MAGI1: variants seen among roughly 807,000 people sequenced by gnomAD.
MAGI1 encodes the protein membrane associated guanylate kinase, WW and PDZ domain containing 1, also known as membrane-associated guanylate kinase, WW and PDZ domain-containing protein 1.
MAGI1 carries 58 observed loss-of-function variants against 139.9 expected under a neutral mutation model. The ratio of observed to expected loss-of-function variants is 0.41; its 90% CI spans 0.34 to 0.52. MAGI1 has a LOEUF of 0.52. MAGI1 is among the 20% of genes least tolerant of loss of function. The probability of loss-of-function intolerance (pLI) is 0.12; values close to 1 mark genes in which losing one functional copy is unlikely to be tolerated. For synonymous variants in MAGI1, 812 were observed against 737.9 expected, an observed-to-expected ratio of 1.10 and a Z score of -1.63; for missense variants, 1,874 against 1,901.6, an observed-to-expected ratio of 0.99 and a Z score of 0.27.
At chr3:65,766,781 C>A (rs979564086) in intron 1 of MAGI1, among the ~76,000 whole-genome samples, 1 of 151,908 alleles carries the variant, frequency 6.6e-6, no homozygotes, top group Non-Finnish European at 1.5e-5. Flanking sequence ...CTCAGCTACT[C>A]AGGAGGCTGA....
intron 2 of MAGI1, chr3:65,610,105 C>CT (rs1363841511): frequency 2.0e-5 from 3 of 152,018 alleles, no homozygotes; most frequent in African/African-American, 7.2e-5. Context: ...AGATATCTAA[C>CT]TGTTTCTTGA....
chr3:65,717,793 C>T (rs2032455804), intron 1 of MAGI1, among the ~76,000 whole-genome samples: 2 of 152,170 alleles, frequency 1.3e-5, no homozygotes, highest in Non-Finnish European at 2.9e-5. Context: ...GAATCCTGAA[C>T]TAATCACAGT....
chr3:65,647,370 T>TC (rs1358638698), intron 1 of MAGI1, among the ~76,000 whole-genome samples: 1 of 152,064 alleles, frequency 6.6e-6, no homozygotes, highest in Non-Finnish European at 1.5e-5. Context: ...AAACAAGATT[T>TC]CCCAATTTAT....
chr3:65,808,010 CT>C (rs138703685), intron 1 of MAGI1, among the ~76,000 whole-genome samples: 39,672 of 143,278 alleles, frequency 0.28, 5,332 homozygotes, highest in East Asian at 0.4. Flanking sequence ...GAGGTCAGGA[CT>C]TTTTTTTTTT....
chr3:65,441,216 C>T (rs1948302330), intron 8 of MAGI1, among the ~76,000 whole-genome samples: 1 of 152,264 alleles, frequency 6.6e-6, no homozygotes, highest in South Asian at 2.1e-4. Flanking sequence ...CTGCTTTGGT[C>T]TCCCCAAATG....
intron 1 of MAGI1, among the ~76,000 whole-genome samples, chr3:65,695,118 A>G (rs1471336925): frequency 6.6e-6 from 1 of 152,214 alleles, no homozygotes; most frequent in Non-Finnish European, 1.5e-5. Context: ...TGTGAAATCC[A>G]TTCTCTTCTA....
intron 1 of MAGI1, among the ~76,000 whole-genome samples, chr3:65,627,722 G>C (rs1426850204): frequency 6.6e-6 from 1 of 151,606 alleles, no homozygotes; most frequent in Non-Finnish European, 1.5e-5. Context: ...TAGCCAGGTT[G>C]GTCTCGATCT....
chr3:65,635,021 G>A (rs74939568), intron 1 of MAGI1, among the ~76,000 whole-genome samples: 15,282 of 152,082 alleles, frequency 0.1, 1,910 homozygotes, highest in African/African-American at 0.3. Context: ...GGGAGTACAT[G>A]TTTTGTTGTT....
At chr3:65,805,097 C>G (rs1045030211) in intron 1 of MAGI1, among the ~76,000 whole-genome samples, 1 of 152,000 alleles carries the variant, frequency 6.6e-6, no homozygotes, top group African/African-American at 2.4e-5. Context: ...TGGGACCTAA[C>G]TAAACTAAAG....
rs1199345225 is a variant in MAGI1, at chr3:65,951,004, GAA to G, written c.313+86990_313+86991del. Among the ~76,000 whole-genome samples, 207 of 135,750 alleles carry G rather than the reference GAA, an allele frequency of 1.5e-3. 10 individuals are homozygous for G. The highest frequency in any genetic ancestry group is 4.7e-3 in the East Asian group (22 of 4,698). 89.1% of individuals were successfully genotyped at this position (135,750 alleles called of 152,430 possible). ...GGAAGGAAGGAAGGAAGGAAGGAAG[GAA>G]GGAAGGAAGGAAGGAAGGAAGGAAG... On this transcript the variant is annotated intron_variant, in intron 1 of 22. Coordinates refer to ENST00000402939, the MANE Select transcript of MAGI1 (RefSeq NM_001033057.2).
chr3:65,364,579 G>A, intron 20 of MAGI1, 86 bp downstream of exon 20: 1 of 1,129,024 alleles, frequency 8.9e-7, no homozygotes, highest in Non-Finnish European at 1.3e-6. Context: ...AATTAAAGGT[G>A]CTTCAAAAAA....
At chr3:65,672,155 C>A (rs894104457) in intron 1 of MAGI1, among the ~76,000 whole-genome samples, 6 of 152,140 alleles carry the variant, frequency 3.9e-5, no homozygotes, top group African/African-American at 1.2e-4. Context: ...CCAAATGACA[C>A]TGGGGAGTGT....
chr3:65,449,921 T>C (rs933501042), intron 6 of MAGI1, among the ~76,000 whole-genome samples: 2 of 152,184 alleles, frequency 1.3e-5, no homozygotes, highest in Middle Eastern at 3.2e-3. Flanking sequence ...GGCAAAGTCA[T>C]GGAAAAATTC....
rs561650757 is a variant in MAGI1, at chr3:65,681,259, C to G, written c.314-59171G>C. Among the ~76,000 whole-genome samples the G allele has an allele frequency of 2.0e-5, 3 of 152,358 alleles. No individual in the cohort carries two copies. In the East Asian group the frequency reaches 5.8e-4, roughly 29 times the overall value. ...CTTTCTCCCTGAATTTATTCCCTCT[C>G]TCTTCCAAAGACCTGGGTCTCATTT... On this transcript the variant is annotated intron_variant, in intron 1 of 22. Transcript: ENST00000402939.
rs533330179 is a variant in MAGI1, at chr3:65,927,084, T to C, written c.313+110912A>G. Among the ~76,000 whole-genome samples the C allele has an allele frequency of 3.3e-5, 5 of 152,346 alleles. 1 individual carries two copies. The highest frequency in any genetic ancestry group is 1.2e-4 in the African/African-American group (5 of 41,580). On this transcript the variant is annotated intron_variant, in intron 1 of 22. Coordinates refer to ENST00000402939, the MANE Select transcript of MAGI1 (RefSeq NM_001033057.2). ...AAACTCATGAATAATCCACCCCTTG[T>C]GTAGCATATAATCAAGAAATAACCA... is the stretch of plus-strand genomic sequence containing the variant.
chr3:65,962,728 G>C (rs956659070), intron 1 of MAGI1, among the ~76,000 whole-genome samples: 2 of 149,794 alleles, frequency 1.3e-5, no homozygotes, highest in Admixed American at 6.8e-5. Flanking sequence ...AGGAGGTTGA[G>C]ACACAAGAAA....
intron 1 of MAGI1, among the ~76,000 whole-genome samples, chr3:65,942,271 G>A (rs79480093): frequency 0.013 from 1,989 of 151,616 alleles, 41 homozygotes; most frequent in African/African-American, 0.045. Context: ...TGACATTAGT[G>A]AAATATTCAG....
chr3:66,007,469 C>T (rs913706372), intron 1 of MAGI1, among the ~76,000 whole-genome samples: 1 of 152,190 alleles, frequency 6.6e-6, no homozygotes, highest in Non-Finnish European at 1.5e-5. Flanking sequence ...CACTTGGACA[C>T]AGCATGTCAC....
intron 1 of MAGI1, among the ~76,000 whole-genome samples, chr3:65,860,291 G>A (rs774512837): frequency 1.8e-4 from 28 of 152,260 alleles, no homozygotes; most frequent in Non-Finnish European, 3.1e-4. Flanking sequence ...ATTCTATTTC[G>A]AAGGAGGCTG....
Sources: allele counts gnomAD v4.1 joint callset (sites outside exome capture counted in the v4.1 genomes callset), GRCh38; gene constraint gnomAD v4.1.1; transcripts MANE v1.5; gene names NCBI Gene and HGNC (gene_info 2026-07-23, HGNC 2026-07-21).